The following PTPRD variants were observed in gnomAD, a reference collection of about 807,000 sequenced individuals.
PTPRD encodes receptor-type tyrosine-protein phosphatase delta.
A neutral mutation model predicts 214.5 loss-of-function variants in PTPRD; 34 were observed. The ratio of observed to expected loss-of-function variants is 0.16; its 90% confidence interval spans 0.12 to 0.21. The LOEUF is 0.21. Ranked by LOEUF, PTPRD falls within the 10% of genes least tolerant of loss-of-function variation. The probability of loss-of-function intolerance (pLI) is 1.00; values close to 1 mark genes in which losing one functional copy is unlikely to be tolerated. For missense variants in PTPRD, 2,545 were observed against 2,398.7 expected (o/e 1.06, Z -1.27); for synonymous variants, 1,128 against 845.7 (o/e 1.33, Z -5.79).
At chr9:9,219,179 T>G (rs1187740507) in intron 9 of PTPRD, among the ~76,000 whole-genome samples, 2 of 152,100 alleles carry the variant, frequency 1.3e-5, no homozygotes, top group African/African-American at 4.8e-5. Flanking sequence ...TTGTTAAAAT[T>G]TTCTGGGCTG....
intron 2 of PTPRD, among the ~76,000 whole-genome samples, chr9:10,394,188 A>G (rs965512322): frequency 6.8e-6 from 1 of 146,278 alleles, no homozygotes; most frequent in Non-Finnish European, 1.5e-5. Flanking sequence ...CTATATATAA[A>G]GATATATATA....
chr9:9,272,066 C>T (rs1377580199), intron 9 of PTPRD, among the ~76,000 whole-genome samples: 1 of 150,298 alleles, frequency 6.7e-6, no homozygotes. Flanking sequence ...TTTTTTTTGA[C>T]AGCAATTCCC....
intron 12 of PTPRD, among the ~76,000 whole-genome samples, chr9:8,686,696 A>G (rs1482473491): frequency 6.6e-6 from 1 of 152,190 alleles, no homozygotes; most frequent in Non-Finnish European, 1.5e-5. Context: ...CTACCAAGCC[A>G]CCATCCAAGT....
intron 3 of PTPRD, among the ~76,000 whole-genome samples, chr9:10,241,419 T>C (rs1000931104): frequency 5.9e-5 from 9 of 152,080 alleles, no homozygotes; most frequent in African/African-American, 1.9e-4. Flanking sequence ...AGAAGCTTTG[T>C]CTGTAATAGC....
intron 3 of PTPRD, 113 bp from the exon 4 acceptor site, chr9:10,033,903 G>A (rs2097129300): frequency 6.6e-6 from 1 of 152,048 alleles, no homozygotes; most frequent in Non-Finnish European, 1.5e-5. Context: ...CTGCCTTGTA[G>A]ATAAATGAAA....
intron 8 of PTPRD, among the ~76,000 whole-genome samples, chr9:9,402,242 A>C (rs1246457237): frequency 6.6e-6 from 1 of 152,148 alleles, no homozygotes; most frequent in African/African-American, 2.4e-5. Context: ...CCAAAACTGA[A>C]GAAAAAAGTG....
intron 3 of PTPRD, among the ~76,000 whole-genome samples, chr9:10,205,372 T>C (rs1035174514): frequency 2.7e-5 from 2 of 72,758 alleles, no homozygotes; most frequent in African/African-American, 5.9e-5. Context: ...TTCTTCTTTA[T>C]TTTATTTTAT....
At chr9:8,776,410 C>A (rs938399232) in intron 11 of PTPRD, among the ~76,000 whole-genome samples, 3 of 152,084 alleles carry the variant, frequency 2.0e-5, no homozygotes, top group Admixed American at 1.3e-4. Flanking sequence ...TCAGGTGATC[C>A]TGATACTTAG....
chr9:9,389,784 T>C (rs2065158033), intron 9 of PTPRD, among the ~76,000 whole-genome samples: 1 of 152,160 alleles, frequency 6.6e-6, no homozygotes. Flanking sequence ...GACTGTCCAT[T>C]TGTGCAACAA....
chr9:9,637,763 G>T (rs2095818542), intron 7 of PTPRD, among the ~76,000 whole-genome samples: 3 of 152,156 alleles, frequency 2.0e-5, no homozygotes, highest in South Asian at 4.1e-4. Flanking sequence ...ACTCTCTGTG[G>T]TAGCCCAGAT....
At chr9:8,526,053 C>G (rs2074026450) in intron 17 of PTPRD, among the ~76,000 whole-genome samples, 1 of 152,072 alleles carries the variant, frequency 6.6e-6, no homozygotes, top group Admixed American at 6.6e-5. Context: ...GGGAGTCATT[C>G]TTTGACTTTT....
At chr9:9,903,365 T>C (rs1401100400) in intron 5 of PTPRD, among the ~76,000 whole-genome samples, 1 of 152,154 alleles carries the variant, frequency 6.6e-6, no homozygotes, top group Non-Finnish European at 1.5e-5. Flanking sequence ...TCATTGTCTT[T>C]ATAAAGATCT....
intron 9 of PTPRD, among the ~76,000 whole-genome samples, chr9:9,289,443 TC>T (rs1462691811): frequency 6.6e-6 from 1 of 151,882 alleles, no homozygotes. Flanking sequence ...CATAATCAAA[TC>T]CATTAACATA....
rs140519859 is a variant in PTPRD, at chr9:8,812,474, T to C, written c.-103-78528A>G. On this transcript the variant is annotated intron_variant, in intron 11 of 45. Transcript: ENST00000381196. ...ATATCCATCAATTCCCACTTATTTT[T>C]TACTCTCAAAGGGAGAAATAATTTC... 4.4e-3 allele frequency among the ~76,000 whole-genome samples: 670 copies of C among 152,344 alleles called. 6 individuals carry two copies. The highest frequency in any genetic ancestry group is 0.014 in the Middle Eastern group (4 of 294).
intron 3 of PTPRD, among the ~76,000 whole-genome samples, chr9:10,086,274 C>A (rs953141259): frequency 6.6e-6 from 1 of 151,732 alleles, no homozygotes; most frequent in Non-Finnish European, 1.5e-5. Context: ...AAATAGTATA[C>A]GACTGATCCC....
chr9:9,473,807 T>A (rs1243402821), intron 8 of PTPRD, among the ~76,000 whole-genome samples: 3 of 101,314 alleles, frequency 3.0e-5, no homozygotes, highest in Non-Finnish European at 6.4e-5. Context: ...TTTTTGTCCG[T>A]TTTAAAATCT....
At chr9:9,229,899 T>A (rs191636461) in intron 9 of PTPRD, among the ~76,000 whole-genome samples, 244 of 152,220 alleles carry the variant, frequency 1.6e-3, no homozygotes, top group African/African-American at 5.6e-3. Context: ...ATACACTTTT[T>A]AAATTAAAAT....
intron 2 of PTPRD, among the ~76,000 whole-genome samples, chr9:10,371,606 T>C (rs1248856737): frequency 6.6e-6 from 1 of 152,022 alleles, no homozygotes; most frequent in Non-Finnish European, 1.5e-5. Flanking sequence ...GTAATGAATA[T>C]TCAATTCCCT....
At chr9:9,243,504 G>A (rs562709606) in intron 9 of PTPRD, among the ~76,000 whole-genome samples, 150 of 152,110 alleles carry the variant, frequency 9.9e-4, no homozygotes, top group African/African-American at 3.2e-3. Context: ...ATCAATAAAC[G>A]TAATCCAGCA....
Sources: allele counts gnomAD v4.1 joint callset (sites outside exome capture counted in the v4.1 genomes callset), GRCh38; gene constraint gnomAD v4.1.1; transcripts MANE v1.5; gene names NCBI Gene and HGNC (gene_info 2026-07-23, HGNC 2026-07-21).